The following BPIFB6 variants were observed in gnomAD, a reference collection of about 807,000 sequenced individuals.
BPIFB6 encodes the protein BPI fold-containing family B member 6.
BPIFB6 carries 47 observed loss-of-function variants against 54.7 expected under a neutral mutation model. The ratio of observed to expected loss-of-function variants is 0.86; its 90% CI spans 0.68 to 1.10. BPIFB6 has a LOEUF of 1.10. BPIFB6 is among the 50% of genes least tolerant of loss of function. The probability of loss-of-function intolerance (pLI) is 0.00; values close to 1 mark genes in which losing one functional copy is unlikely to be tolerated. For missense variants in BPIFB6, 603 were observed against 564.1 expected (o/e 1.07, Z -0.70); for synonymous variants, 255 against 225.9 (o/e 1.13, Z -1.16).
chr20:33,035,267 G>C, intron 5 of BPIFB6, 123 bp downstream of exon 5: 1 of 1,013,846 alleles, frequency 9.9e-7, no homozygotes, highest in South Asian at 1.5e-5. Context: ...AGGGTTCTGA[G>C]ACTGTGGCTG....
At chr20:33,037,880 A>G in intron 8 of BPIFB6, 142 bp downstream of exon 8, 1 of 872,876 alleles carries the variant, frequency 1.1e-6, no homozygotes, top group South Asian at 1.6e-5. Context: ...AGTTTCTCTC[A>G]GCAGTTCATC....
Position 33,031,739 on chromosome 20 carries a change from T to C in BPIFB6, c.92T>C (p.Met31Thr). The C allele has an allele frequency of 2.5e-6, 4 of 1,614,018 alleles. No individual in the cohort carries two copies. The highest frequency in any genetic ancestry group is 3.4e-6 in the Non-Finnish European group (4 of 1,179,936). ...CTGCTGCGGTTGGGCATGGACATCATGAACCGTGGTGAGCTTGTGGGCCCG... is the reference window on the plus strand; with the variant it reads ...CTGCTGCGGTTGGGCATGGACATCACGAACCGTGGTGAGCTTGTGGGCCCG... Reference protein sequence around the residue: ...GALLRLGMDIMNQVQSAMDES... With the variant: ...GALLRLGMDITNQVQSAMDES... The change falls in exon 1 of 15, where the codon ATG becomes ACG. Residue 31 changes from methionine (M) to threonine (T), a missense_variant. Met to Thr is a moderately conservative substitution (Grantham distance 81). Transcript: ENST00000349552.
At chr20:33,036,794 C>T (rs1228231793) in intron 7 of BPIFB6, among the ~76,000 whole-genome samples, 3 of 152,208 alleles carry the variant, frequency 2.0e-5, no homozygotes, top group Non-Finnish European at 4.4e-5. Context: ...AGGCTGTTTG[C>T]TTCTCCTAGT....
At position 33,036,506 on chromosome 20, in the gene BPIFB6, C is replaced by G. The variant is rs113787573; in HGVS notation, c.639C>G (p.Thr213=). ...ATGTTCTGATGTCCGCACCAGCCAC[C>G]ACAGCCAGCTACATCCAACTGGACT... ...VKYVLMSAPA[T]TASYIQLDFS... Residue 213 remains threonine, a synonymous_variant, in exon 7 of 15, where the codon ACC becomes ACG. Transcript: ENST00000349552. The G allele has an allele frequency of 3.9e-4, 633 of 1,614,198 alleles. 5 individuals carry two copies. The African/African-American group carries it at 7.2e-3, about 18-fold the overall frequency.
At chr20:33,040,124 A>T (rs1979515673) in intron 10 of BPIFB6, 127 bp from the exon 11 acceptor site, 2 of 829,174 alleles carry the variant, frequency 2.4e-6, no homozygotes, top group Middle Eastern at 2.7e-4. Flanking sequence ...GAGGATGGGC[A>T]GAGAGAAGAT....
rs909408426 is a variant in BPIFB6 at position 33,039,060 on chromosome 20, A to G, written c.900+98A>G. ...GACTTGGGAGACAGCTTTTCATGCCACATATTCCTTGTCCAATGCTGAAAC... is the reference window on the plus strand; with the variant it reads ...GACTTGGGAGACAGCTTTTCATGCCGCATATTCCTTGTCCAATGCTGAAAC... On this transcript the variant is annotated intron_variant, in intron 9 of 14. Transcript: ENST00000349552. 8.1e-6 allele frequency: 11 copies of G among 1,354,108 alleles called. No homozygotes were observed. In the Admixed American group the frequency reaches 1.1e-4, roughly 14 times the overall value. 83.9% of individuals were successfully genotyped at this position (1,354,108 alleles called of 1,614,324 possible).
chr20:33,038,845 AG>A, intron 8 of BPIFB6, 63 bp from the exon 9 acceptor site: 1 of 1,450,650 alleles, frequency 6.9e-7, no homozygotes, highest in Non-Finnish European at 9.7e-7. Context: ...AAGTCAGTGG[AG>A]ATGTTTGTTA....
intron 3 of BPIFB6, 65 bp from the exon 4 acceptor site, chr20:33,034,698 A>T: frequency 6.6e-7 from 1 of 1,521,124 alleles, no homozygotes; most frequent in Non-Finnish European, 8.9e-7. Context: ...GTGAGCAAAG[A>T]GAAGGCAGGG....
chr20:33,034,162 G>A (rs748778151), intron 2 of BPIFB6, 24 bp from the exon 3 acceptor site: 30 of 1,563,886 alleles, frequency 1.9e-5, no homozygotes, highest in South Asian at 1.6e-4. Context: ...GATCTTATTG[G>A]TGTGGCTGCC....
intron 2 of BPIFB6, 168 bp downstream of exon 2, chr20:33,033,251 C>A (rs1029122214): frequency 1.4e-6 from 1 of 691,268 alleles, no homozygotes. Flanking sequence ...ACTGCTCCTG[C>A]CTGTGCCTGG....
chr20:33,042,108 G>T, intron 12 of BPIFB6, 93 bp downstream of exon 12: 1 of 1,321,414 alleles, frequency 7.6e-7, no homozygotes. Flanking sequence ...CTGAAATGGA[G>T]GCAGATGAAC....
Position 33,034,766 on chromosome 20 carries a change from C to T in BPIFB6, c.306C>T (p.Phe102=). Residue 102 remains phenylalanine, a synonymous_variant, in exon 4 of 15, where the codon TTC becomes TTT. Transcript: ENST00000349552. The stretch of plus-strand genomic sequence containing the variant: ...GCCCTCCTGCTCTGTCCTCCAGCTT[C>T]ATGGGAGGGAACATGGAGATCATCG... ...STGMTVTGKS[F]MGGNMEIIVA... 1 of 1,606,946 alleles carries T rather than the reference C, an allele frequency of 6.2e-7. No homozygotes were observed. Among genetic ancestry groups the T allele is most frequent in the Admixed American group, 1.7e-5 (1 of 59,782 alleles).
At chr20:33,044,099 C>T (rs1979707329), downstream of BPIFB6, 2 of 1,609,214 alleles carry the variant, frequency 1.2e-6, no homozygotes, top group African/African-American at 2.7e-5. Flanking sequence ...CCACCTGCAC[C>T]CCATGGAGGA....
chr20:33,041,782 G>A (rs1019663585), intron 11 of BPIFB6, among the ~76,000 whole-genome samples, 188 bp from the exon 12 acceptor site: 4 of 152,162 alleles, frequency 2.6e-5, no homozygotes, highest in African/African-American at 7.2e-5. Context: ...TGTAACGAAA[G>A]GTAGTGAGTG....
At chr20:33,031,820 G>C (rs548137706) in intron 1 of BPIFB6, 76 bp downstream of exon 1, 1 of 1,215,168 alleles carries the variant, frequency 8.2e-7, no homozygotes, top group Non-Finnish European at 1.2e-6. Context: ...ACTGCTCTTG[G>C]TTGCACATCC....
At chr20:33,035,714 A>G (rs772320589) in intron 6 of BPIFB6, 42 bp downstream of exon 6, 1 of 1,580,726 alleles carries the variant, frequency 6.3e-7, no homozygotes, top group Non-Finnish European at 8.7e-7. Flanking sequence ...ACCTAGGGAT[A>G]TCAGGATAGA....
intron 10 of BPIFB6, 80 bp from the exon 11 acceptor site, chr20:33,040,171 A>G: frequency 8.0e-7 from 1 of 1,251,010 alleles, no homozygotes. Flanking sequence ...TAGTGCTGGG[A>G]GGGTGGTGGT....
intron 11 of BPIFB6, 63 bp from the exon 12 acceptor site, chr20:33,041,907 G>A (rs765789430): frequency 5.3e-6 from 8 of 1,513,000 alleles, no homozygotes; most frequent in Non-Finnish European, 7.3e-6. Context: ...TCCAGCGCCA[G>A]GGCCACTGGC....
chr20:33,038,806 G>T, intron 8 of BPIFB6, 103 bp from the exon 9 acceptor site: 1 of 1,111,632 alleles, frequency 9.0e-7, no homozygotes, highest in South Asian at 1.3e-5. Flanking sequence ...GTATTGTGAT[G>T]AAGGGAGCCT....
Sources: gnomAD v4.1 joint callset for allele counts (sites outside exome capture counted in the v4.1 genomes callset) on GRCh38, gnomAD v4.1.1 for gene constraint, MANE v1.5 for transcripts, NCBI Gene and HGNC (gene_info 2026-07-23, HGNC 2026-07-21) for gene names.